PNKD: variants seen among roughly 807,000 people sequenced by gnomAD.
PNKD encodes PNKD metallo-beta-lactamase domain containing.
A neutral mutation model predicts 45.3 loss-of-function variants in PNKD; 36 were observed. That is an observed-to-expected ratio of 0.80 (90% CI 0.61 to 1.05). PNKD has a LOEUF of 1.05. Ranked by LOEUF, PNKD falls within the 50% of genes least tolerant of loss-of-function variation. PNKD has a pLI of 0.00. For synonymous variants in PNKD, 197 were observed against 210.1 expected (o/e 0.94, Z 0.54); for missense variants, 511 against 506.6 (o/e 1.01, Z -0.08).
intron 3 of PNKD, 53 bp downstream of exon 3, chr2:218,339,951 C>A: frequency 6.9e-7 from 1 of 1,454,316 alleles, no homozygotes; most frequent in African/African-American, 1.4e-5. Context: ...CCCACCCTCC[C>A]CGCCTGCTCC....
rs777859269 is a variant in PNKD, at chr2:218,344,935, T to C, written c.1112T>C (p.Leu371Pro). 6 of 1,613,812 alleles carry C rather than the reference T, an allele frequency of 3.7e-6. No homozygotes were observed. The Admixed American group carries it at 5.0e-5, about 13-fold the overall frequency. ...GATGATGACTACTCCCGGGCCCAGC[T>C]CCTGGAAGAGCTCCGCCGGCTGAAG... is the stretch of plus-strand genomic sequence containing the variant. ...TGDDDYSRAQ[L>P]LEELRRLKDM... The change falls in exon 10 of 10, where the codon CTC becomes CCC. Residue 371 changes from leucine (L) to proline (P), a missense_variant. Transcript: ENST00000273077.
intron 2 of PNKD, among the ~76,000 whole-genome samples, chr2:218,273,377 T>G (rs574104833): frequency 7.2e-4 from 109 of 151,712 alleles, no homozygotes; most frequent in African/African-American, 2.5e-3. Context: ...GCTCAAGTGA[T>G]CCTCCTACCT....
intron 2 of PNKD, among the ~76,000 whole-genome samples, chr2:218,330,092 G>T (rs746972089): frequency 2.6e-5 from 4 of 152,176 alleles, no homozygotes; most frequent in Admixed American, 2.0e-4. Context: ...GGATCGGGGG[G>T]ACATTTAAGG....
chr2:218,336,800 T>C (rs1188100720), intron 2 of PNKD, among the ~76,000 whole-genome samples: 1 of 141,078 alleles, frequency 7.1e-6, no homozygotes, highest in African/African-American at 2.8e-5. Flanking sequence ...TTTTTTTTTT[T>C]TTTTTTTTTT....
At chr2:218,271,137 A>C (rs557172332) in intron 1 of PNKD, 1 of 578,762 alleles carries the variant, frequency 1.7e-6, no homozygotes, top group East Asian at 2.9e-5. Context: ...AAGAACAGCG[A>C]AGCTTTTCGT....
rs535580757 is a variant in PNKD at position 218,288,758 on chromosome 2, G to A, written c.236+17209G>A. Reference sequence around the variant, plus strand: ...CCATGGCTATCGTGACTATATGCTCGAGTAGGAGAGTAAAGTGTTTTCTTG... The same window carrying A: ...CCATGGCTATCGTGACTATATGCTCAAGTAGGAGAGTAAAGTGTTTTCTTG... On this transcript the variant is annotated intron_variant, in intron 2 of 9. Transcript: ENST00000273077. Among the ~76,000 whole-genome samples, 15 of 152,242 alleles carry A rather than the reference G, an allele frequency of 9.9e-5. No individual in the cohort carries two copies. In the East Asian group the frequency reaches 1.9e-3, roughly 20 times the overall value.
chr2:218,327,335 G>A (rs1282082734), intron 2 of PNKD, among the ~76,000 whole-genome samples: 1 of 152,156 alleles, frequency 6.6e-6, no homozygotes, highest in Non-Finnish European at 1.5e-5. Flanking sequence ...TTCAAGAGTG[G>A]CAGAAGCCTG....
intron 2 of PNKD, among the ~76,000 whole-genome samples, chr2:218,325,005 T>G (rs1574703173): frequency 2.2e-5 from 1 of 45,204 alleles, no homozygotes; most frequent in Non-Finnish European, 6.2e-5. Context: ...TTCTTTTTTT[T>G]TTTTTTTTTT....
chr2:218,319,633 C>T (rs1303574687), intron 2 of PNKD, among the ~76,000 whole-genome samples: 1 of 152,208 alleles, frequency 6.6e-6, no homozygotes, highest in Non-Finnish European at 1.5e-5. Context: ...CTCAGCCTCC[C>T]AAAGTACTGG....
chr2:218,313,933 G>GTT (rs1693689284), intron 2 of PNKD, among the ~76,000 whole-genome samples: 1 of 97,166 alleles, frequency 1.0e-5, no homozygotes. Context: ...TTGAGACGGA[G>GTT]TTTCACTCTT....
chr2:218,317,879 G>C (rs372402312), intron 2 of PNKD: 1 of 152,152 alleles, frequency 6.6e-6, no homozygotes, highest in Non-Finnish European at 1.5e-5. Context: ...TTCTGCACTG[G>C]GTTCACTTTT....
intron 2 of PNKD, chr2:218,323,066 C>T: frequency 1.2e-6 from 1 of 830,376 alleles, no homozygotes; most frequent in Non-Finnish European, 1.6e-6. Flanking sequence ...GCCAGGCCGC[C>T]CCCCAAGCCG....
At chr2:218,294,767 T>C (rs112659706) in intron 2 of PNKD, among the ~76,000 whole-genome samples, 5 of 152,360 alleles carry the variant, frequency 3.3e-5, no homozygotes, top group Admixed American at 1.3e-4. Context: ...CGTGAGCCAC[T>C]GCACCTGGCC....
intron 2 of PNKD, among the ~76,000 whole-genome samples, chr2:218,338,595 C>T (rs1694569301): frequency 1.3e-5 from 2 of 151,890 alleles, no homozygotes; most frequent in Admixed American, 1.3e-4. Context: ...ACTGAGACCC[C>T]ATCTCTACAA....
intron 2 of PNKD, among the ~76,000 whole-genome samples, chr2:218,322,873 C>T (rs1419892234): frequency 6.6e-6 from 1 of 152,244 alleles, no homozygotes; most frequent in Admixed American, 6.5e-5. Context: ...TGAATGGCAG[C>T]TGACCCCGAT....
At chr2:218,275,963 C>G (rs1368086886) in intron 2 of PNKD, 1 of 1,557,130 alleles carries the variant, frequency 6.4e-7, no homozygotes, top group Non-Finnish European at 8.7e-7. Context: ...ATTCATGCCC[C>G]CTTCCCTAGA....
At chr2:218,312,468 A>G (rs1693642204) in intron 2 of PNKD, among the ~76,000 whole-genome samples, 1 of 151,780 alleles carries the variant, frequency 6.6e-6, no homozygotes, top group Admixed American at 6.6e-5. Context: ...GGCTATGGCT[A>G]TTCAGAGGAG....
intron 2 of PNKD, among the ~76,000 whole-genome samples, chr2:218,275,798 G>A (rs1691144640): frequency 6.6e-6 from 1 of 152,206 alleles, no homozygotes; most frequent in Admixed American, 6.5e-5. Flanking sequence ...AAAGGAGGCA[G>A]ACACACCGTT....
chr2:218,279,200 A>T (rs41272681), intron 2 of PNKD: 47,527 of 1,563,972 alleles, frequency 0.03, 850 homozygotes, highest in African/African-American at 0.046. Flanking sequence ...GGTCACCCTG[A>T]GAGCAGGGCC....
Sources: allele counts gnomAD v4.1 joint callset (sites outside exome capture counted in the v4.1 genomes callset), GRCh38; gene constraint gnomAD v4.1.1; transcripts MANE v1.5; gene names NCBI Gene and HGNC (gene_info 2026-07-23, HGNC 2026-07-21).